The following JPH3 variants were observed in gnomAD, a reference collection of about 807,000 sequenced individuals.
JPH3 encodes junctophilin-3.
JPH3 carries 11 observed loss-of-function variants against 59.6 expected under a neutral mutation model. The ratio of observed to expected loss-of-function variants is 0.18; its 90% CI spans 0.12 to 0.31. The LOEUF is 0.31. Among genes scored for constraint, JPH3 ranks in the 10% least tolerant of loss-of-function variants. JPH3 has a pLI of 1.00. For missense variants in JPH3, 1,202 were observed against 1,105.7 expected (o/e 1.09, Z -1.24); for synonymous variants, 673 against 483.6 (o/e 1.39, Z -5.14).
chr16:87,625,348 G>T (rs530253022), intron 1 of JPH3, among the ~76,000 whole-genome samples: 1 of 152,116 alleles, frequency 6.6e-6, no homozygotes, highest in Non-Finnish European at 1.5e-5. Context: ...TTCCCTCCTC[G>T]GGGGTCCTGG....
chr16:87,679,104 C>T (rs1324678235), intron 2 of JPH3, among the ~76,000 whole-genome samples: 2 of 152,196 alleles, frequency 1.3e-5, no homozygotes, highest in African/African-American at 2.4e-5. Context: ...GTGGGGCCCC[C>T]GTGTGCCCAT....
chr16:87,602,657 T>C lies in JPH3; in HGVS notation c.-490T>C, dbSNP rs1304123805. Among the ~76,000 whole-genome samples, 2 of 124,740 alleles carry C rather than the reference T, an allele frequency of 1.6e-5. No homozygotes were observed. Among genetic ancestry groups the C allele is most frequent in the Non-Finnish European group, 3.4e-5 (2 of 58,600 alleles). 81.8% of individuals were successfully genotyped at this position (124,740 alleles called of 152,430 possible). A position where few individuals can be genotyped will look rare whatever the true frequency, so the allele number is the denominator to read the frequency against. On this transcript the variant is annotated 5_prime_UTR_variant, in exon 1 of 5. Transcript: ENST00000284262. Reference sequence around the variant, plus strand: ...GTGCAGCCGCCAGCGCCGCCGCCCGTGCCGCCGCCGCCGCCCGCGGGCCCC... The same window carrying C: ...GTGCAGCCGCCAGCGCCGCCGCCCGCGCCGCCGCCGCCGCCCGCGGGCCCC...
chr16:87,605,187 C>T (rs533678111), intron 1 of JPH3, among the ~76,000 whole-genome samples: 20 of 152,314 alleles, frequency 1.3e-4, no homozygotes, highest in Non-Finnish European at 2.4e-4. Flanking sequence ...ACTGTGCAGG[C>T]CGGGCTCACG....
intron 4 of JPH3, chr16:87,696,181 T>C (rs1567622063): frequency 2.2e-6 from 1 of 453,402 alleles, no homozygotes. Flanking sequence ...CCTTCTGAGA[T>C]TCTGAGGTCC....
At chr16:87,691,158 C>T (rs577863975) in intron 4 of JPH3, among the ~76,000 whole-genome samples, 153 of 152,088 alleles carry the variant, frequency 1.0e-3, no homozygotes, top group Non-Finnish European at 1.8e-3. Context: ...GGGCTAGACT[C>T]GGCGCGAGGC....
chr16:87,639,825 C>T (rs2031885630), intron 1 of JPH3, among the ~76,000 whole-genome samples: 1 of 152,252 alleles, frequency 6.6e-6, no homozygotes, highest in Admixed American at 6.5e-5. Flanking sequence ...ATCCAGGAAG[C>T]AGCAGGTGCC....
At chr16:87,643,385 C>CTCT (rs1379185355) in intron 1 of JPH3, among the ~76,000 whole-genome samples, 2 of 138,004 alleles carry the variant, frequency 1.4e-5, no homozygotes, top group Non-Finnish European at 3.1e-5. Flanking sequence ...TCCCCACCCT[C>CTCT]CCTTCTTCTG....
At chr16:87,679,217 C>A (rs1257067845) in intron 2 of JPH3, among the ~76,000 whole-genome samples, 1 of 152,224 alleles carries the variant, frequency 6.6e-6, no homozygotes, top group Admixed American at 6.5e-5. Context: ...CTGGACACCA[C>A]TTCCTTTATT....
At chr16:87,658,674 C>G (rs2032592315) in intron 2 of JPH3, among the ~76,000 whole-genome samples, 1 of 152,146 alleles carries the variant, frequency 6.6e-6, no homozygotes, top group Non-Finnish European at 1.5e-5. Context: ...ATTTGTAAAG[C>G]AGGAGGCCCC....
At chr16:87,636,254 G>A (rs951156956) in intron 1 of JPH3, among the ~76,000 whole-genome samples, 1 of 152,246 alleles carries the variant, frequency 6.6e-6, no homozygotes, top group Non-Finnish European at 1.5e-5. Flanking sequence ...GGGGGCGGGG[G>A]CGTCCTGCAT....
intron 2 of JPH3, among the ~76,000 whole-genome samples, chr16:87,656,660 C>T (rs866501872): frequency 5.9e-5 from 9 of 152,106 alleles, no homozygotes; most frequent in African/African-American, 9.7e-5. Flanking sequence ...GTGCAGCTGG[C>T]GGGTCAGGGG....
In JPH3 at chr16:87,697,207, T is replaced by G. The variant is rs2142859141; in HGVS notation, c.*547T>G. 1.8e-5 allele frequency: 3 copies of G among 171,238 alleles called. No homozygotes were observed. Among genetic ancestry groups the G allele is most frequent in the Non-Finnish European group, 1.3e-5 (1 of 78,674 alleles). The allele number at this position is 171,238 out of a possible 1,614,324, so 10.6% of individuals were successfully genotyped here. On this transcript the variant is annotated 3_prime_UTR_variant, in exon 5 of 5. Transcript: ENST00000284262. Reference sequence around the variant, plus strand: ...TAGCCTGGCCTTTTTCTGTGTGAGATCTGTGCTGCACACCTGAGGGAGGGG... The same window carrying G: ...TAGCCTGGCCTTTTTCTGTGTGAGAGCTGTGCTGCACACCTGAGGGAGGGG...
intron 1 of JPH3, among the ~76,000 whole-genome samples, chr16:87,637,412 G>GTGTT (rs1491322562): frequency 8.0e-6 from 1 of 124,418 alleles, no homozygotes; most frequent in African/African-American, 3.5e-5. Context: ...GAGAGAGAGA[G>GTGTT]TGTGTGTGTT....
At chr16:87,636,681 T>C (rs1357551428) in intron 1 of JPH3, among the ~76,000 whole-genome samples, 2 of 152,168 alleles carry the variant, frequency 1.3e-5, no homozygotes, top group African/African-American at 2.4e-5. Context: ...ATATCAGTTA[T>C]AAAATCAGAG....
intron 3 of JPH3, among the ~76,000 whole-genome samples, chr16:87,685,472 C>T (rs2033395010): frequency 6.6e-6 from 1 of 152,260 alleles, no homozygotes; most frequent in Non-Finnish European, 1.5e-5. Flanking sequence ...TCCCTGGGGC[C>T]CCTCCTTGCC....
intron 1 of JPH3, among the ~76,000 whole-genome samples, chr16:87,616,413 T>A (rs1182166207): frequency 6.6e-6 from 1 of 151,058 alleles, no homozygotes; most frequent in East Asian, 1.9e-4. Context: ...TTTTGTATTT[T>A]TTTTTTTTTT....
At chr16:87,695,552 G>A (rs760755336) in intron 4 of JPH3, 23 of 454,944 alleles carry the variant, frequency 5.1e-5, no homozygotes, top group Middle Eastern at 3.2e-4. Context: ...GAGAGGCAGG[G>A]GCAAGTGTCC....
intron 1 of JPH3, among the ~76,000 whole-genome samples, chr16:87,613,054 T>A (rs1465827293): frequency 2.0e-5 from 3 of 149,274 alleles, no homozygotes; most frequent in African/African-American, 7.4e-5. Context: ...TAAAGTAGAC[T>A]AGAAATTTTC....
At chr16:87,608,209 A>G (rs1183809881) in intron 1 of JPH3, among the ~76,000 whole-genome samples, 1 of 152,228 alleles carries the variant, frequency 6.6e-6, no homozygotes, top group African/African-American at 2.4e-5. Flanking sequence ...GAGAGCAAGA[A>G]GGGGTGGAGT....
Sources: allele counts gnomAD v4.1 joint callset (sites outside exome capture counted in the v4.1 genomes callset), GRCh38; gene constraint gnomAD v4.1.1; transcripts MANE v1.5; gene names NCBI Gene and HGNC (gene_info 2026-07-23, HGNC 2026-07-21).